Variants in SPINT2 observed in about 807,000 individuals in gnomAD.
SPINT2 encodes serine peptidase inhibitor, Kunitz type 2, also known as kunitz-type protease inhibitor 2.
In SPINT2, 18 loss-of-function variants were observed where a neutral mutation model predicts 30.1. The ratio of observed to expected loss-of-function variants is 0.60; its 90% CI spans 0.41 to 0.89. SPINT2 has a LOEUF of 0.89. SPINT2 is among the 40% of genes least tolerant of loss of function. SPINT2 has a pLI of 0.00. For missense variants in SPINT2, 276 were observed against 334.3 expected (o/e 0.83, Z 1.36); for synonymous variants, 139 against 137.9 (o/e 1.01, Z -0.05).
Position 38,292,076 on chromosome 19 carries a change from T to G in SPINT2, c.*70T>G. The G allele has an allele frequency of 6.4e-7, 1 of 1,565,424 alleles. No homozygotes were observed. The highest frequency in any genetic ancestry group is 8.7e-7 in the Non-Finnish European group (1 of 1,152,144). ...TGTGAGCTTTTTTTAAATAGAGGGATTGACTCGGATTTGAGTGATCATTAG... is the reference window on the plus strand; with the variant it reads ...TGTGAGCTTTTTTTAAATAGAGGGAGTGACTCGGATTTGAGTGATCATTAG... On this transcript the variant is annotated 3_prime_UTR_variant, in exon 7 of 7. Transcript: ENST00000301244.
intron 2 of SPINT2, among the ~76,000 whole-genome samples, chr19:38,285,724 C>T (rs921537795): frequency 2.0e-5 from 3 of 152,158 alleles, no homozygotes; most frequent in African/African-American, 4.8e-5. Flanking sequence ...CGGCACTCCC[C>T]CTAACATGTT....
Position 38,289,151 on chromosome 19 carries a change from G to C in SPINT2, c.351G>C (p.Gln117His). 2 of 1,613,992 alleles carry C rather than the reference G, an allele frequency of 1.2e-6. No individual in the cohort carries two copies. Among genetic ancestry groups the C allele is most frequent in the Non-Finnish European group, 8.5e-7 (1 of 1,179,966 alleles). ...TTTGTGTTTCAGCTCCCAGAAGGCAGGATTCTGAAGACCACTCCAGCGATA... is the reference window on the plus strand; with the variant it reads ...TTTGTGTTTCAGCTCCCAGAAGGCACGATTCTGAAGACCACTCCAGCGATA... The part of the protein sequence containing the change: ...DSSVPSAPRR[Q>H]DSEDHSSDMF... Residue 117 changes from glutamine to histidine, a missense_variant, in exon 4 of 7, where the codon CAG becomes CAC. Coordinates refer to ENST00000301244, the MANE Select transcript of SPINT2 (RefSeq NM_021102.4).
intron 1 of SPINT2, among the ~76,000 whole-genome samples, chr19:38,269,784 T>C (rs1362402614): frequency 1.4e-5 from 2 of 145,386 alleles, no homozygotes; most frequent in Non-Finnish European, 3.0e-5. Context: ...TAATTTTTTG[T>C]ATTTTTAGTA....
rs148893008 is a variant in SPINT2 at position 38,276,144 on chromosome 19, C to T, written c.107-7483C>T. ...TGCTGCTTGTATTCAGTATTTGGCC[C>T]CTTATAGAAAACATTTGCAGACCCT... On this transcript the variant is annotated intron_variant, in intron 1 of 6. Coordinates refer to ENST00000301244, the MANE Select transcript of SPINT2 (RefSeq NM_021102.4). Among the ~76,000 whole-genome samples, 23 of 152,164 alleles carry T rather than the reference C, an allele frequency of 1.5e-4. No homozygotes were observed. In the East Asian group the frequency reaches 4.3e-3, roughly 28 times the overall value.
At chr19:38,272,646 T>C (rs1968470514) in intron 1 of SPINT2, among the ~76,000 whole-genome samples, 2 of 152,220 alleles carry the variant, frequency 1.3e-5, no homozygotes, top group Non-Finnish European at 2.9e-5. Context: ...CTTAATAGTC[T>C]TGTTTCAGAG....
chr19:38,279,132 G>A (rs1330183904), intron 1 of SPINT2, among the ~76,000 whole-genome samples: 2 of 151,450 alleles, frequency 1.3e-5, no homozygotes, highest in Non-Finnish European at 2.9e-5. Context: ...GTCTTATTTG[G>A]ACCTAACTTC....
chr19:38,270,495 A>G (rs1332848246), intron 1 of SPINT2, among the ~76,000 whole-genome samples: 1 of 152,236 alleles, frequency 6.6e-6, no homozygotes, highest in African/African-American at 2.4e-5. Context: ...GGAAGACAGT[A>G]CAATAAATGA....
chr19:38,290,931 C>T lies in SPINT2; in HGVS notation c.592+356C>T, dbSNP rs1968710356. ...TAAGAGTTGGTCACGGGTGACAGGA[C>T]GGAGGACCACGGGCCAGGGTGTTTC... On this transcript the variant is annotated intron_variant, in intron 6 of 6. Transcript: ENST00000301244. The surrounding 1 kb of genome is among the most constrained non-coding windows in gnomAD (Gnocchi z 4.3). The T allele has an allele frequency of 1.5e-5, 6 of 397,918 alleles. No homozygotes were observed. Among genetic ancestry groups the T allele is most frequent in the South Asian group, 6.6e-5 (3 of 45,632 alleles). The allele number at this position is 397,918 out of a possible 1,614,324, so 24.6% of individuals were successfully genotyped here.
rs548006593 is a variant in SPINT2, at chr19:38,291,517, G to A, written c.593-323G>A. 3.9e-5 allele frequency: 13 copies of A among 331,390 alleles called. No homozygotes were observed. The East Asian group carries it at 7.5e-4, about 19-fold the overall frequency. The allele number at this position is 331,390 out of a possible 1,614,324, so 20.5% of individuals were successfully genotyped here. A position where few individuals can be genotyped will look rare whatever the true frequency, so the allele number is the denominator to read the frequency against. ...TTTTTTACACCCTTGTGCATCTCTC[G>A]GCCTGGGGCTCCTGTGCAGGTTGCC... On this transcript the variant is annotated intron_variant, in intron 6 of 6. Transcript: ENST00000301244.
rs952373785 is a variant in SPINT2 at position 38,292,606 on chromosome 19, T to C, written c.*600T>C. ...AATCCACAAGATGAAATAAATGTCC[T>C]ATTACTGAGTGCCCGTGAACTTTCG... On this transcript the variant is annotated 3_prime_UTR_variant, in exon 7 of 7. Coordinates refer to ENST00000301244, the MANE Select transcript of SPINT2 (RefSeq NM_021102.4). The C allele has an allele frequency of 1.3e-5, 2 of 153,368 alleles. No individual in the cohort carries two copies. The highest frequency in any genetic ancestry group is 4.8e-5 in the African/African-American group (2 of 41,472). The allele number at this position is 153,368 out of a possible 1,614,324, so 9.5% of individuals were successfully genotyped here. A position where few individuals can be genotyped will look rare whatever the true frequency, so the allele number is the denominator to read the frequency against.
chr19:38,283,535 G>C (rs1023225011), intron 1 of SPINT2, 92 bp from the exon 2 acceptor site: 1 of 1,536,992 alleles, frequency 6.5e-7, no homozygotes, highest in Admixed American at 1.7e-5. Context: ...CAAGGCTCTG[G>C]TTCTCCTGGG....
At chr19:38,265,799 T>A (rs1035955585) in intron 1 of SPINT2, among the ~76,000 whole-genome samples, 1 of 152,232 alleles carries the variant, frequency 6.6e-6, no homozygotes, top group African/African-American at 2.4e-5. Context: ...CAAAACTTAC[T>A]GAGGCCCTGC....
At chr19:38,280,154 C>T (rs951147197) in intron 1 of SPINT2, among the ~76,000 whole-genome samples, 11 of 152,118 alleles carry the variant, frequency 7.2e-5, no homozygotes, top group Admixed American at 2.6e-4. Context: ...GCCCCCAGCA[C>T]GTCAACAGAA....
At chr19:38,275,120 ATGCT>A (rs1968500880) in intron 1 of SPINT2, among the ~76,000 whole-genome samples, 1 of 152,212 alleles carries the variant, frequency 6.6e-6, no homozygotes, top group Non-Finnish European at 1.5e-5. Flanking sequence ...TGTAGAAATG[ATGCT>A]TGCTCTGTAT....
intron 1 of SPINT2, 59 bp from the exon 2 acceptor site, chr19:38,283,568 G>A (rs924624639): frequency 9.8e-5 from 158 of 1,606,866 alleles, no homozygotes; most frequent in Non-Finnish European, 1.1e-4. Context: ...AGGTCTGTGC[G>A]TGTCCTTTGT....
At chr19:38,270,436 A>G (rs1968440242) in intron 1 of SPINT2, among the ~76,000 whole-genome samples, 2 of 152,338 alleles carry the variant, frequency 1.3e-5, no homozygotes, top group Admixed American at 6.5e-5. Flanking sequence ...TAGAGCACTG[A>G]ACAAAATAGA....
intron 1 of SPINT2, among the ~76,000 whole-genome samples, chr19:38,275,895 T>A (rs1968512433): frequency 6.6e-6 from 1 of 151,250 alleles, no homozygotes; most frequent in Non-Finnish European, 1.5e-5. Flanking sequence ...GCCCGGCTAA[T>A]TTTGTATTTT....
At chr19:38,282,386 C>T (rs1188320575) in intron 1 of SPINT2, among the ~76,000 whole-genome samples, 1 of 152,106 alleles carries the variant, frequency 6.6e-6, no homozygotes, top group African/African-American at 2.4e-5. Flanking sequence ...GCTGAGCAGG[C>T]AGAGGTGGGT....
At chr19:38,268,053 C>T (rs1374674850) in intron 1 of SPINT2, among the ~76,000 whole-genome samples, 1 of 152,070 alleles carries the variant, frequency 6.6e-6, no homozygotes, top group Non-Finnish European at 1.5e-5. Flanking sequence ...AAGACCAGTC[C>T]TGAGTACCAG....
Sources: allele counts gnomAD v4.1 joint callset (sites outside exome capture counted in the v4.1 genomes callset), GRCh38; gene constraint gnomAD v4.1.1; non-coding constraint Gnocchi (gnomAD v3.1); transcripts MANE v1.5; gene names NCBI Gene and HGNC (gene_info 2026-07-23, HGNC 2026-07-21).